Variants in PDE11A observed in about 807,000 individuals in gnomAD.
PDE11A encodes phosphodiesterase 11A.
In PDE11A, 100 loss-of-function variants were observed where a neutral mutation model predicts 100.5. The ratio of observed to expected loss-of-function variants is 1.00; its 90% CI spans 0.85 to 1.18. The LOEUF (loss-of-function observed/expected upper bound fraction) is 1.18. PDE11A is among the 50% of genes most tolerant of loss of function. The probability of loss-of-function intolerance (pLI) is 0.00; values close to 1 mark genes in which losing one functional copy is unlikely to be tolerated. For synonymous variants in PDE11A, 381 were observed against 420.8 expected (o/e 0.91, Z 1.16); for missense variants, 1,141 against 1,152.6 (o/e 0.99, Z 0.15).
intron 2 of PDE11A, among the ~76,000 whole-genome samples, chr2:177,946,117 T>C (rs1312656942): frequency 1.2e-3 from 61 of 49,538 alleles, no homozygotes; most frequent in African/African-American, 1.5e-3. Flanking sequence ...GGGTCAGCCC[T>C]CCGCCCGGCC....
chr2:178,040,336 G>A (rs1425715755), intron 1 of PDE11A, among the ~76,000 whole-genome samples: 1 of 152,152 alleles, frequency 6.6e-6, no homozygotes, highest in African/African-American at 2.4e-5. Flanking sequence ...GATTACAGGT[G>A]TGAGCCATCG....
At chr2:178,022,048 G>T (rs2105834034) in intron 1 of PDE11A, among the ~76,000 whole-genome samples, 1 of 152,240 alleles carries the variant, frequency 6.6e-6, no homozygotes, top group African/African-American at 2.4e-5. Flanking sequence ...AGGTGAGTGG[G>T]AGTGATATGA....
At chr2:177,712,301 C>A (rs1462599546) in intron 12 of PDE11A, among the ~76,000 whole-genome samples, 1 of 151,086 alleles carries the variant, frequency 6.6e-6, no homozygotes, top group Non-Finnish European at 1.5e-5. Context: ...CCTGCCAGAT[C>A]CCACCCAAAT....
At chr2:177,883,626 G>A (rs1252487136) in intron 4 of PDE11A, among the ~76,000 whole-genome samples, 2 of 152,168 alleles carry the variant, frequency 1.3e-5, no homozygotes, top group Non-Finnish European at 2.9e-5. Flanking sequence ...TTCCCAGGCT[G>A]AGGGAACAAA....
intron 6 of PDE11A, among the ~76,000 whole-genome samples, chr2:177,831,538 T>C (rs1033467974): frequency 6.6e-6 from 1 of 152,172 alleles, no homozygotes; most frequent in African/African-American, 2.4e-5. Context: ...ATTCCCAAAT[T>C]GGCAAGCTTC....
chr2:178,105,494 G>C, intron 1 of PDE11A: 2 of 219,284 alleles, frequency 9.1e-6, no homozygotes, highest in Admixed American at 5.8e-5. Context: ...CTTACTGTAT[G>C]ATGGTAGACA....
intron 1 of PDE11A, among the ~76,000 whole-genome samples, chr2:178,044,269 A>ATATTTAT (rs1559052528): frequency 6.6e-6 from 1 of 151,514 alleles, no homozygotes; most frequent in Non-Finnish European, 1.5e-5. Context: ...GTAATAGGCC[A>ATATTTAT]TTTCATAAAA....
intron 2 of PDE11A, among the ~76,000 whole-genome samples, chr2:177,945,107 C>G (rs1318850240): frequency 6.6e-6 from 1 of 150,922 alleles, no homozygotes; most frequent in Non-Finnish European, 1.5e-5. Flanking sequence ...CAGAGGGAGT[C>G]TCGTTCACTC....
intron 2 of PDE11A, among the ~76,000 whole-genome samples, chr2:178,095,730 T>C (rs2087480192): frequency 6.6e-6 from 1 of 152,246 alleles, no homozygotes; most frequent in African/African-American, 2.4e-5. Context: ...CAGGTGTTTC[T>C]ATACATCCTG....
intron 1 of PDE11A, among the ~76,000 whole-genome samples, chr2:178,051,950 T>C (rs2086833598): frequency 1.3e-5 from 2 of 152,028 alleles, no homozygotes; most frequent in Admixed American, 1.3e-4. Flanking sequence ...ATTAGACAGA[T>C]CAACGAGACA....
At chr2:177,918,727 A>G (rs2084990715) in intron 2 of PDE11A, among the ~76,000 whole-genome samples, 1 of 152,214 alleles carries the variant, frequency 6.6e-6, no homozygotes, top group South Asian at 2.1e-4. Flanking sequence ...ATCTGATGTA[A>G]ACTTGTATAT....
chr2:177,817,054 T>G lies in PDE11A; in HGVS notation c.1645-133A>C, dbSNP rs369981306. On this transcript the variant is annotated intron_variant, in intron 8 of 19. Transcript: ENST00000286063. Reference sequence around the variant, plus strand: ...TACACAGAGGTAGGCCTTGGGGAAATAGGCACATTAAAATTCTTAATTACT... The same window carrying G: ...TACACAGAGGTAGGCCTTGGGGAAAGAGGCACATTAAAATTCTTAATTACT... 204 of 690,578 alleles carry G rather than the reference T, an allele frequency of 3.0e-4. 3 individuals are homozygous for G. In the South Asian group the frequency reaches 3.0e-3, roughly 10 times the overall value. 42.8% of individuals were successfully genotyped at this position (690,578 alleles called of 1,614,324 possible).
chr2:178,023,615 T>C (rs895000509), intron 1 of PDE11A, among the ~76,000 whole-genome samples: 1 of 152,234 alleles, frequency 6.6e-6, no homozygotes, highest in African/African-American at 2.4e-5. Flanking sequence ...AACCAGAATC[T>C]TGAATCTACC....
At chr2:178,077,642 T>A (rs1016455221), upstream of PDE11A, among the ~76,000 whole-genome samples, 1 of 152,164 alleles carries the variant, frequency 6.6e-6, no homozygotes, top group Non-Finnish European at 1.5e-5. Flanking sequence ...CCACAAAAGC[T>A]ATGTCCACCA....
chr2:177,832,475 T>C, intron 6 of PDE11A, among the ~76,000 whole-genome samples: 1 of 152,200 alleles, frequency 6.6e-6, no homozygotes, highest in East Asian at 1.9e-4. Flanking sequence ...GGATTCGGAC[T>C]GGCTTCCTTG....
chr2:177,656,943 T>C (rs999822204), intron 19 of PDE11A, among the ~76,000 whole-genome samples: 1 of 152,138 alleles, frequency 6.6e-6, no homozygotes, highest in African/African-American at 2.4e-5. Context: ...GGAATAGATG[T>C]GAGCTTCAGA....
In PDE11A at chr2:177,825,477, C is replaced by T. The variant is rs566995206; in HGVS notation, c.1501-5182G>A. Among the ~76,000 whole-genome samples, 6 of 152,202 alleles carry T rather than the reference C, an allele frequency of 3.9e-5. No individual in the cohort carries two copies. In the East Asian group the frequency reaches 9.7e-4, roughly 24 times the overall value. ...AATCATTAATGAAATCCCCTAATTG[C>T]CTATTTGCGGCAGCAGCTATTTTTT... On this transcript the variant is annotated intron_variant, in intron 6 of 19. Transcript: ENST00000286063.
chr2:177,947,785 TAAAAAAATAAAAAA>T (rs1243532399), intron 2 of PDE11A, among the ~76,000 whole-genome samples: 1 of 1,054 alleles, frequency 9.5e-4, no homozygotes, highest in Admixed American at 0.016. Context: ...TTTAAAAAAA[TAAAAAAATAAAAAA>T]AAAATAAAAT....
chr2:177,831,846 A>G (rs1345377965), intron 6 of PDE11A, among the ~76,000 whole-genome samples: 1 of 152,260 alleles, frequency 6.6e-6, no homozygotes, highest in African/African-American at 2.4e-5. Context: ...TTGTAAATGT[A>G]GTCATCAGGG....
Sources: allele counts gnomAD v4.1 joint callset (sites outside exome capture counted in the v4.1 genomes callset), GRCh38; gene constraint gnomAD v4.1.1; transcripts MANE v1.5; gene names NCBI Gene and HGNC (gene_info 2026-07-23, HGNC 2026-07-21).